TEX10: variants seen among roughly 807,000 people sequenced by gnomAD.
TEX10 encodes testis expressed 10, also known as testis-expressed protein 10.
A neutral mutation model predicts 104.4 loss-of-function variants in TEX10; 24 were observed. The observed-to-expected ratio is 0.23, with a 90% CI of 0.17 to 0.32. The LOEUF is 0.32. Ranked by LOEUF, TEX10 falls within the 10% of genes least tolerant of loss-of-function variation. TEX10 has a pLI of 1.00. For synonymous variants in TEX10, 396 were observed against 393.4 expected (o/e 1.01, Z -0.08); for missense variants, 921 against 1,083.9 (o/e 0.85, Z 2.11).
In TEX10 at chr9:100,326,336, A is replaced by C. The variant is rs774822742; in HGVS notation, c.1945T>G (p.Leu649Val). 2 of 1,613,944 alleles carry C rather than the reference A, an allele frequency of 1.2e-6. No individual in the cohort carries two copies. Among genetic ancestry groups the C allele is most frequent in the East Asian group, 4.5e-5 (2 of 44,888 alleles). ...CCIMGRLSSSLAAMLIGILHM... is the reference protein window; with the variant it reads ...CCIMGRLSSSVAAMLIGILHM... ...AGTATCCCGATAAGCATGGCAGCCA[A>C]ACTTGAACTGAGTCTTCCCATAATA... is the stretch of plus-strand genomic sequence containing the variant. Residue 649 changes from leucine (L) to valine (V), a missense_variant, in exon 9 of 15, where the codon TTG becomes GTG. Around this residue, in one of 3 missense-constraint regions of TEX10, gnomAD observed 753 missense variants for 868.4 expected, o/e 0.87. Coordinates refer to ENST00000374902, the MANE Select transcript of TEX10 (RefSeq NM_017746.4).
chr9:100,328,856 G>A lies in TEX10; in HGVS notation c.1625+284C>T, dbSNP rs553253399. Among the ~76,000 whole-genome samples, 138 of 152,300 alleles carry A rather than the reference G, an allele frequency of 9.1e-4. 1 individual carries two copies. Among genetic ancestry groups the A allele is most frequent in the Non-Finnish European group, 2.5e-4 (17 of 68,022 alleles). ...AACCTCCGTAATTTTTATGGGAGGGGAAGAGAAAGGGCTGAGGTTGTTCCA... is the reference window on the plus strand; with the variant it reads ...AACCTCCGTAATTTTTATGGGAGGGAAAGAGAAAGGGCTGAGGTTGTTCCA... On this transcript the variant is annotated intron_variant, in intron 7 of 14. Transcript: ENST00000374902.
At chr9:100,334,486 C>T (rs545920860) in intron 5 of TEX10, among the ~76,000 whole-genome samples, 1 of 152,102 alleles carries the variant, frequency 6.6e-6, no homozygotes, top group South Asian at 2.1e-4. Context: ...TCTAAATGAT[C>T]CCAGGGAGGA....
At chr9:100,328,256 C>T (rs1834759797) in intron 7 of TEX10, among the ~76,000 whole-genome samples, 1 of 152,174 alleles carries the variant, frequency 6.6e-6, no homozygotes, top group African/African-American at 2.4e-5. Context: ...ACTATATTAA[C>T]AAATGTACAC....
At chr9:100,317,287 A>G (rs1241057599) in intron 11 of TEX10, among the ~76,000 whole-genome samples, 1 of 152,208 alleles carries the variant, frequency 6.6e-6, no homozygotes, top group Non-Finnish European at 1.5e-5. Context: ...TGGTACTGCT[A>G]TAAAAACAGA....
intron 12 of TEX10, among the ~76,000 whole-genome samples, 186 bp from the exon 13 acceptor site, chr9:100,308,867 T>C (rs1288471622): frequency 1.3e-5 from 2 of 152,234 alleles, no homozygotes; most frequent in Non-Finnish European, 2.9e-5. Context: ...CCCTAAATTA[T>C]ATGACTTTGA....
chr9:100,320,332 T>C lies in TEX10; in HGVS notation c.2135A>G (p.Gln712Arg). ...AAGGTAGAGAAGCACAGGGGAAAGC[T>C]GTGTCTGGATGACATGAGGAACTCC... is the stretch of plus-strand genomic sequence containing the variant. ...LRGVPHVIQT[Q>R]LSPVLLYLTD... is the part of the protein sequence containing the mutation. The change falls in exon 11 of 15, where the codon CAG becomes CGG. Residue 712 changes from glutamine (Q) to arginine (R), a missense_variant. By Grantham distance (43) the Gln-to-Arg change is conservative. Around this residue, in one of 3 missense-constraint regions of TEX10, gnomAD observed 753 missense variants for 868.4 expected, o/e 0.87. Coordinates refer to ENST00000374902, the MANE Select transcript of TEX10 (RefSeq NM_017746.4). 6.2e-7 allele frequency: 1 copy of C among 1,613,370 alleles called. No homozygotes were observed. Among genetic ancestry groups the C allele is most frequent in the Non-Finnish European group, 8.5e-7 (1 of 1,179,548 alleles).
chr9:100,349,176 T>G lies in TEX10; in HGVS notation c.180+8A>C, dbSNP rs764663700. On this transcript the variant is annotated splice_region_variant and intron_variant, in intron 2 of 14. Coordinates refer to ENST00000374902, the MANE Select transcript of TEX10 (RefSeq NM_017746.4). ...TCTTATTTTGTCAAAACATGATTTA[T>G]GATTTACCTTTATGTTAAGTTTTCT... is the stretch of plus-strand genomic sequence containing the variant. 2 of 1,524,430 alleles carry G rather than the reference T, an allele frequency of 1.3e-6. No homozygotes were observed. The highest frequency in any genetic ancestry group is 2.7e-5 in the South Asian group (2 of 74,570). 94.4% of individuals were successfully genotyped at this position (1,524,430 alleles called of 1,614,324 possible).
chr9:100,346,906 G>C lies in TEX10; in HGVS notation c.681C>G (p.Val227=). ...GAAGGAATTTACTGAGTCTCACTAA[G>C]ACTTTCAGCCTCCATTGCTGAGAAG... ...RLTSQQWRLK[V]LVRLSKFLQA... is the part of the protein sequence containing the mutation. The change falls in exon 3 of 15, where the codon GTC becomes GTG. Residue 227 remains valine, a synonymous_variant. Transcript: ENST00000374902. The C allele has an allele frequency of 1.9e-6, 3 of 1,614,200 alleles. No individual in the cohort carries two copies. Among genetic ancestry groups the C allele is most frequent in the Non-Finnish European group, 2.5e-6 (3 of 1,180,030 alleles).
rs879640071 is a variant in TEX10 at position 100,352,854 on chromosome 9, G to C, written c.-92C>G. On this transcript the variant is annotated 5_prime_UTR_variant, in exon 1 of 15. Coordinates refer to ENST00000374902, the MANE Select transcript of TEX10 (RefSeq NM_017746.4). ...AGCCCACGGGGCAACAGCGTGCGCC[G>C]CCGACCTCAGGCTCTAGCTCCCGGA... 10 of 1,009,238 alleles carry C rather than the reference G, an allele frequency of 9.9e-6. No homozygotes were observed. The South Asian group carries it at 4.3e-4, about 44-fold the overall frequency. 62.5% of individuals were successfully genotyped at this position (1,009,238 alleles called of 1,614,324 possible).
intron 10 of TEX10, 31 bp from the exon 11 acceptor site, chr9:100,320,429 A>T: frequency 1.3e-6 from 2 of 1,541,804 alleles, no homozygotes; most frequent in Non-Finnish European, 1.7e-6. Flanking sequence ...AGCCAATTTA[A>T]AAAAACAAAA....
chr9:100,343,655 C>T (rs916806759), intron 4 of TEX10, among the ~76,000 whole-genome samples: 2 of 150,424 alleles, frequency 1.3e-5, no homozygotes, highest in Admixed American at 6.6e-5. Flanking sequence ...TTTGTAAATA[C>T]TAGCAAACTA....
intron 12 of TEX10, among the ~76,000 whole-genome samples, chr9:100,309,585 A>T (rs1000807186): frequency 6.6e-6 from 1 of 152,212 alleles, no homozygotes; most frequent in Admixed American, 6.5e-5. Flanking sequence ...GCAGGGAGAA[A>T]GTACTAGGAA....
chr9:100,310,722 A>C (rs1834256689), intron 11 of TEX10, among the ~76,000 whole-genome samples: 2 of 152,244 alleles, frequency 1.3e-5, no homozygotes, highest in African/African-American at 4.8e-5. Context: ...CACAGGTGTG[A>C]GCCACTGTGC....
chr9:100,346,117 G>A lies in TEX10; in HGVS notation c.1092C>T (p.Ser364=). The A allele has an allele frequency of 6.2e-7, 1 of 1,613,848 alleles. No homozygotes were observed. The highest frequency in any genetic ancestry group is 8.5e-7 in the Non-Finnish European group (1 of 1,179,864). The change falls in exon 4 of 15, where the codon TCC becomes TCT. Residue 364 remains serine (S), a synonymous_variant. Coordinates refer to ENST00000374902, the MANE Select transcript of TEX10 (RefSeq NM_017746.4). ...GTTGTTTAGAGAGTTTCCACAGAAGGGAAATAATATTAAGAACTTGCTGCA... is the reference window on the plus strand; with the variant it reads ...GTTGTTTAGAGAGTTTCCACAGAAGAGAAATAATATTAAGAACTTGCTGCA... ...QVMQQVLNII[S]LLWKLSKQQD...
chr9:100,331,349 A>G (rs1564213200), intron 5 of TEX10, among the ~76,000 whole-genome samples: 1 of 152,244 alleles, frequency 6.6e-6, no homozygotes. Context: ...AGGCAGGGGC[A>G]TCACTTAAGC....
chr9:100,336,427 C>T (rs1438484339), intron 5 of TEX10, among the ~76,000 whole-genome samples: 1 of 152,074 alleles, frequency 6.6e-6, no homozygotes, highest in Non-Finnish European at 1.5e-5. Flanking sequence ...TAGTGGCATT[C>T]GATTCTCATA....
At chr9:100,352,695 G>C (rs1587750303) in intron 1 of TEX10, 77 bp downstream of exon 1, 2 of 1,319,630 alleles carry the variant, frequency 1.5e-6, no homozygotes, top group Non-Finnish European at 1.9e-6. Context: ...TTGGGCCGCG[G>C]ATCGGGGGGC....
At chr9:100,350,189 A>C (rs1475601531) in intron 1 of TEX10, among the ~76,000 whole-genome samples, 1 of 152,172 alleles carries the variant, frequency 6.6e-6, no homozygotes, top group Admixed American at 6.5e-5. Context: ...CTTACACATG[A>C]AATCTTTGAT....
intron 11 of TEX10, among the ~76,000 whole-genome samples, chr9:100,311,180 C>G (rs923651930): frequency 9.2e-5 from 14 of 152,046 alleles, no homozygotes; most frequent in African/African-American, 2.7e-4. Flanking sequence ...GAGGACTGCT[C>G]AAGCCCAGGA....
Sources: gnomAD v4.1 joint callset for allele counts (sites outside exome capture counted in the v4.1 genomes callset) on GRCh38, gnomAD v4.1.1 for gene constraint, gnomAD v4.1.1 regional missense constraint, MANE v1.5 for transcripts, NCBI Gene and HGNC (gene_info 2026-07-23, HGNC 2026-07-21) for gene names.